CLSTN2: variants seen among roughly 807,000 people sequenced by gnomAD.
The protein encoded by CLSTN2 is calsyntenin 2, also known as calsyntenin-2.
A neutral mutation model predicts 101.2 loss-of-function variants in CLSTN2; 48 were observed. That is an observed-to-expected ratio of 0.47 (90% CI 0.38 to 0.60). The LOEUF is 0.60. Ranked by LOEUF, CLSTN2 falls within the 20% of genes least tolerant of loss-of-function variation. The probability of loss-of-function intolerance (pLI) is 0.00; values close to 1 mark genes in which losing one functional copy is unlikely to be tolerated. For synonymous variants in CLSTN2, 481 were observed against 463.6 expected (o/e 1.04, Z -0.48); for missense variants, 1,160 against 1,238.2 (o/e 0.94, Z 0.95).
intron 1 of CLSTN2, among the ~76,000 whole-genome samples, chr3:140,104,081 A>G (rs2107791416): frequency 6.6e-6 from 1 of 152,300 alleles, no homozygotes; most frequent in South Asian, 2.1e-4. Flanking sequence ...GAATGGAAGG[A>G]ATTTCACAGC....
At chr3:140,044,073 T>A (rs1419937940) in intron 1 of CLSTN2, among the ~76,000 whole-genome samples, 2 of 152,176 alleles carry the variant, frequency 1.3e-5, no homozygotes, top group African/African-American at 4.8e-5. Context: ...AAGAAAGTCA[T>A]TGGTAGCTTG....
At chr3:140,519,018 G>A (rs1280788602) in intron 8 of CLSTN2, among the ~76,000 whole-genome samples, 4 of 152,116 alleles carry the variant, frequency 2.6e-5, no homozygotes, top group African/African-American at 9.7e-5. Flanking sequence ...AGAAAGTCTG[G>A]TACATTGTCT....
At chr3:140,018,342 C>T (rs1429989263) in intron 1 of CLSTN2, among the ~76,000 whole-genome samples, 2 of 152,224 alleles carry the variant, frequency 1.3e-5, no homozygotes. Context: ...ATAACTCCAG[C>T]AGCAGCAATA....
intron 1 of CLSTN2, among the ~76,000 whole-genome samples, chr3:140,115,439 C>T (rs1161596132): frequency 6.6e-6 from 1 of 152,176 alleles, no homozygotes; most frequent in Non-Finnish European, 1.5e-5. Flanking sequence ...TTCCTGGCCT[C>T]TCACCCCCAC....
chr3:140,094,943 G>A (rs1285585837), intron 1 of CLSTN2, among the ~76,000 whole-genome samples: 1 of 152,198 alleles, frequency 6.6e-6, no homozygotes, highest in Non-Finnish European at 1.5e-5. Flanking sequence ...AGTCATTGCT[G>A]GAACCAGCAG....
At chr3:140,185,403 C>T (rs188969749) in intron 2 of CLSTN2, among the ~76,000 whole-genome samples, 104 of 152,250 alleles carry the variant, frequency 6.8e-4, no homozygotes, top group African/African-American at 2.3e-3. Context: ...TCAACAAGCT[C>T]CAAGCTTAAA....
At chr3:139,936,267 A>T (rs751147548) in intron 1 of CLSTN2, among the ~76,000 whole-genome samples, 36 of 152,080 alleles carry the variant, frequency 2.4e-4, no homozygotes, top group Non-Finnish European at 4.9e-4. Flanking sequence ...GCTGCCTGGG[A>T]GCGTCGGGAG....
chr3:140,186,277 C>A (rs2010484349), intron 2 of CLSTN2, among the ~76,000 whole-genome samples: 1 of 152,162 alleles, frequency 6.6e-6, no homozygotes, highest in Non-Finnish European at 1.5e-5. Context: ...CAAATTTCTC[C>A]TCCAGAAGCC....
intron 2 of CLSTN2, among the ~76,000 whole-genome samples, chr3:140,186,956 C>T (rs1022590924): frequency 6.6e-6 from 1 of 152,120 alleles, no homozygotes; most frequent in Non-Finnish European, 1.5e-5. Context: ...AGTGAGGGCA[C>T]AGAGGCACAT....
intron 1 of CLSTN2, among the ~76,000 whole-genome samples, chr3:140,003,915 T>C (rs562134252): frequency 6.6e-6 from 1 of 152,332 alleles, no homozygotes; most frequent in Admixed American, 6.5e-5. Context: ...CATGAGTCCA[T>C]TTCTACGATC....
chr3:140,095,647 A>G (rs540387441), intron 1 of CLSTN2, among the ~76,000 whole-genome samples: 137 of 152,282 alleles, frequency 9.0e-4, no homozygotes, highest in African/African-American at 3.2e-3. Context: ...CAGTTCTCAT[A>G]AAGTGTATGG....
At chr3:140,284,361 A>ACACCATCACCCTTAGC (rs1293907259) in intron 2 of CLSTN2, among the ~76,000 whole-genome samples, 3 of 152,226 alleles carry the variant, frequency 2.0e-5, no homozygotes, top group Non-Finnish European at 4.4e-5. Flanking sequence ...AGATGTCAAA[A>ACACCATCACCCTTAGC]CACCATCACC....
chr3:140,269,703 G>C (rs542113124), intron 2 of CLSTN2, among the ~76,000 whole-genome samples: 1 of 152,288 alleles, frequency 6.6e-6, no homozygotes, highest in East Asian at 1.9e-4. Context: ...GGAAGTTATA[G>C]GAAGTTGGGA....
intron 2 of CLSTN2, among the ~76,000 whole-genome samples, chr3:140,228,050 C>T (rs571394245): frequency 1.3e-5 from 2 of 152,164 alleles, no homozygotes; most frequent in East Asian, 3.9e-4. Flanking sequence ...TTTGTCTCCT[C>T]GTTACTTATG....
At chr3:140,404,241 AG>A (rs1383220563) in intron 3 of CLSTN2, among the ~76,000 whole-genome samples, 1 of 152,180 alleles carries the variant, frequency 6.6e-6, no homozygotes, top group African/African-American at 2.4e-5. Context: ...ACAGAGTAAG[AG>A]GGGTTAAATT....
intron 8 of CLSTN2, among the ~76,000 whole-genome samples, chr3:140,481,294 C>T (rs1934111112): frequency 6.6e-6 from 1 of 152,134 alleles, no homozygotes; most frequent in African/African-American, 2.4e-5. Context: ...CTGTTCTGCT[C>T]CATTGGTCTA....
At chr3:140,189,604 T>C (rs2010531380) in intron 2 of CLSTN2, among the ~76,000 whole-genome samples, 1 of 152,230 alleles carries the variant, frequency 6.6e-6, no homozygotes, top group Non-Finnish European at 1.5e-5. Flanking sequence ...GTTATTTATA[T>C]TCTTACGGTT....
chr3:140,092,721 T>C (rs1441803692), intron 1 of CLSTN2, among the ~76,000 whole-genome samples: 1 of 152,178 alleles, frequency 6.6e-6, no homozygotes, highest in African/African-American at 2.4e-5. Flanking sequence ...TCGAGCAAGT[T>C]AATTACAACA....
At chr3:140,091,791 T>C (rs1243858700) in intron 1 of CLSTN2, among the ~76,000 whole-genome samples, 1 of 152,198 alleles carries the variant, frequency 6.6e-6, no homozygotes, top group Non-Finnish European at 1.5e-5. Context: ...TATTGTGTTT[T>C]AAAGTTCCAT....
Sources: gnomAD v4.1 joint callset for allele counts (sites outside exome capture counted in the v4.1 genomes callset) on GRCh38, gnomAD v4.1.1 for gene constraint, MANE v1.5 for transcripts, NCBI Gene and HGNC (gene_info 2026-07-23, HGNC 2026-07-21) for gene names.